Variants in SLC4A10 observed in about 807,000 individuals in gnomAD.
The protein encoded by SLC4A10 is sodium-driven chloride bicarbonate exchanger.
A neutral mutation model predicts 137.7 loss-of-function variants in SLC4A10; 42 were observed. The ratio of observed to expected loss-of-function variants is 0.30; its 90% CI spans 0.24 to 0.39. The LOEUF (loss-of-function observed/expected upper bound fraction) is 0.39. SLC4A10 is among the 10% of genes least tolerant of loss of function. The pLI, the probability that SLC4A10 is intolerant of heterozygous loss-of-function variation, is 1.00. For missense variants in SLC4A10, 925 were observed against 1,355.0 expected (o/e 0.68, Z 4.98); for synonymous variants, 474 against 464.1 (o/e 1.02, Z -0.27).
intron 1 of SLC4A10, among the ~76,000 whole-genome samples, chr2:161,655,786 G>A (rs4408743): frequency 0.87 from 132,300 of 151,576 alleles, 58,340 homozygotes; most frequent in East Asian, 1. Flanking sequence ...AAATACTAGC[G>A]AATTGTAGTC....
chr2:161,645,879 T>A (rs2035962404), intron 1 of SLC4A10, among the ~76,000 whole-genome samples: 1 of 152,034 alleles, frequency 6.6e-6, no homozygotes, highest in Non-Finnish European at 1.5e-5. Flanking sequence ...TCTGTATTAT[T>A]TACAAAACTC....
rs1013554322 is a variant in SLC4A10, at chr2:161,828,804, A to G, written c.278-10985A>G. ...TATATATATATATATATATATATAT[A>G]TATATGTATAATCTACATCTGCATC... On this transcript the variant is annotated intron_variant, in intron 3 of 26. Coordinates refer to ENST00000446997, the MANE Select transcript of SLC4A10 (RefSeq NM_001178015.2). 8.1e-4 allele frequency among the ~76,000 whole-genome samples: 96 copies of G among 118,556 alleles called. 3 individuals carry two copies. Among genetic ancestry groups the G allele is most frequent in the African/African-American group, 2.2e-3 (67 of 31,014 alleles). 77.8% of individuals were successfully genotyped at this position (118,556 alleles called of 152,430 possible).
chr2:161,941,545 A>C (rs1692696379), intron 15 of SLC4A10, among the ~76,000 whole-genome samples: 1 of 152,106 alleles, frequency 6.6e-6, no homozygotes, highest in South Asian at 2.1e-4. Flanking sequence ...TAAGCTCTAT[A>C]TGTCAAAAGG....
chr2:161,831,555 A>G (rs2058435196), intron 3 of SLC4A10, among the ~76,000 whole-genome samples: 1 of 152,098 alleles, frequency 6.6e-6, no homozygotes, highest in Non-Finnish European at 1.5e-5. Context: ...AAGGTAAATG[A>G]ATTTTTTTCT....
intron 12 of SLC4A10, 81 bp downstream of exon 12, chr2:161,901,092 T>C: frequency 1.9e-6 from 2 of 1,049,638 alleles, no homozygotes; most frequent in Non-Finnish European, 2.9e-6. Flanking sequence ...TATTTTGGGA[T>C]CTAATTTATT....
At chr2:161,748,183 G>A (rs1399949281) in intron 1 of SLC4A10, among the ~76,000 whole-genome samples, 1 of 152,038 alleles carries the variant, frequency 6.6e-6, no homozygotes, top group Non-Finnish European at 1.5e-5. Flanking sequence ...CTTATGATGA[G>A]ACATATGATT....
intron 4 of SLC4A10, among the ~76,000 whole-genome samples, chr2:161,842,814 A>AT (rs1377817642): frequency 2.6e-5 from 4 of 152,078 alleles, no homozygotes; most frequent in South Asian, 2.1e-4. Context: ...ATATAAGATC[A>AT]TTTTTTCCAC....
intron 15 of SLC4A10, among the ~76,000 whole-genome samples, chr2:161,925,762 C>T (rs1159485138): frequency 6.6e-6 from 1 of 151,946 alleles, no homozygotes; most frequent in Non-Finnish European, 1.5e-5. Flanking sequence ...TCTTTGTTCT[C>T]GTTGGTTTCA....
At chr2:161,980,384 C>A (rs900810321) in intron 26 of SLC4A10, among the ~76,000 whole-genome samples, 1 of 152,156 alleles carries the variant, frequency 6.6e-6, no homozygotes, top group Non-Finnish European at 1.5e-5. Context: ...CGTGGTGGCT[C>A]AGGCCTATAA....
intron 1 of SLC4A10, among the ~76,000 whole-genome samples, chr2:161,639,503 A>T (rs969025378): frequency 3.3e-5 from 5 of 152,204 alleles, no homozygotes; most frequent in Admixed American, 1.3e-4. Flanking sequence ...CATCACATTA[A>T]CAGAAAGAAG....
At chr2:161,818,427 C>T (rs1339803758) in intron 3 of SLC4A10, among the ~76,000 whole-genome samples, 1 of 152,166 alleles carries the variant, frequency 6.6e-6, no homozygotes, top group Non-Finnish European at 1.5e-5. Flanking sequence ...CATCTGCAAA[C>T]AGGGACAATG....
intron 2 of SLC4A10, among the ~76,000 whole-genome samples, chr2:161,787,539 C>T (rs951118523): frequency 6.6e-6 from 1 of 152,064 alleles, no homozygotes. Flanking sequence ...TTCCTTCTTT[C>T]TCAGCAATAC....
Position 161,693,369 on chromosome 2 carries a change from A to G in SLC4A10, c.48+68803A>G, listed in dbSNP as rs1264037906. ...TTTCACTCAAACAAAAATATCCTCAAAAATGACAGAATAAAAGTGATGGTT... is the reference window on the plus strand; with the variant it reads ...TTTCACTCAAACAAAAATATCCTCAGAAATGACAGAATAAAAGTGATGGTT... On this transcript the variant is annotated intron_variant, in intron 1 of 26. Coordinates refer to ENST00000446997, the MANE Select transcript of SLC4A10 (RefSeq NM_001178015.2). Among the ~76,000 whole-genome samples, 3 of 152,170 alleles carry G rather than the reference A, an allele frequency of 2.0e-5. No homozygotes were observed. In the East Asian group the frequency reaches 5.8e-4, roughly 29 times the overall value.
chr2:161,783,618 A>G (rs2053294441), intron 2 of SLC4A10, among the ~76,000 whole-genome samples: 1 of 151,992 alleles, frequency 6.6e-6, no homozygotes, highest in African/African-American at 2.4e-5. Context: ...TAACTGTGAC[A>G]ACAATAACAA....
At chr2:161,827,415 G>A (rs976392910) in intron 3 of SLC4A10, among the ~76,000 whole-genome samples, 42 of 152,086 alleles carry the variant, frequency 2.8e-4, no homozygotes, top group African/African-American at 1.0e-3. Context: ...TACAATGCTG[G>A]CTCTCATTCT....
intron 15 of SLC4A10, among the ~76,000 whole-genome samples, chr2:161,941,478 A>G (rs529744802): frequency 6.6e-6 from 1 of 152,194 alleles, no homozygotes; most frequent in East Asian, 1.9e-4. Context: ...TAACATGTCT[A>G]TTACATATGT....
intron 23 of SLC4A10, among the ~76,000 whole-genome samples, chr2:161,965,945 CACA>C (rs1176040471): frequency 2.0e-5 from 3 of 152,070 alleles, no homozygotes; most frequent in Admixed American, 1.3e-4. Flanking sequence ...CAATGTAAAA[CACA>C]ACAAAGTTTT....
At chr2:161,870,701 G>C (rs2061064361) in intron 6 of SLC4A10, among the ~76,000 whole-genome samples, 1 of 151,836 alleles carries the variant, frequency 6.6e-6, no homozygotes. Context: ...CTAATGAACA[G>C]TTCACAGTCA....
intron 1 of SLC4A10, among the ~76,000 whole-genome samples, chr2:161,671,089 G>A (rs1209587211): frequency 6.6e-6 from 1 of 152,122 alleles, no homozygotes; most frequent in East Asian, 1.9e-4. Context: ...TTCGTATGTT[G>A]AAACTTAATT....
Sources: gnomAD v4.1 joint callset for allele counts (sites outside exome capture counted in the v4.1 genomes callset) on GRCh38, gnomAD v4.1.1 for gene constraint, MANE v1.5 for transcripts, NCBI Gene and HGNC (gene_info 2026-07-23, HGNC 2026-07-21) for gene names.